Variants in CARF observed in about 807,000 individuals in gnomAD.
The protein encoded by CARF is calcium responsive transcription factor.
Under a neutral mutation model 82.0 loss-of-function variants are expected in CARF, and 57 were observed. The ratio of observed to expected loss-of-function variants is 0.70; its 90% CI spans 0.56 to 0.87. The LOEUF (loss-of-function observed/expected upper bound fraction) is 0.87, where lower values mean the gene tolerates loss of function less well. Ranked by LOEUF, CARF falls within the 40% of genes least tolerant of loss-of-function variation. The pLI, the probability that CARF is intolerant of heterozygous loss-of-function variation, is 0.00. For missense variants in CARF, 771 were observed against 855.8 expected (o/e 0.90, Z 1.24); for synonymous variants, 268 against 290.1 (o/e 0.92, Z 0.77).
chr2:202,952,940 AATT>A (rs1202200937), intron 6 of CARF, among the ~76,000 whole-genome samples: 2 of 152,292 alleles, frequency 1.3e-5, no homozygotes, highest in South Asian at 2.1e-4. Context: ...GCATAAAATA[AATT>A]ATTATTAATG....
Position 202,970,859 on chromosome 2 carries a change from C to CT in CARF, c.1098-631dup, listed in dbSNP as rs759204879. On this transcript the variant is annotated intron_variant, in intron 11 of 16. Coordinates refer to ENST00000438828, the MANE Select transcript of CARF (RefSeq NM_024744.17). ...GTTCATTTTCCTACCGTCTACTTTT[C>CT]TTTTTTTTTTTTTTTCATGGCTCTC... is the stretch of plus-strand genomic sequence containing the variant. 4.2e-3 allele frequency among the ~76,000 whole-genome samples: 565 copies of CT among 135,378 alleles called. 1 individual carries two copies. The highest frequency in any genetic ancestry group is 8.5e-3 in the African/African-American group (313 of 36,944). The allele number at this position is 135,378 out of a possible 152,430, so 88.8% of individuals were successfully genotyped here.
At chr2:202,920,314 G>A (rs754417124) in intron 2 of CARF, among the ~76,000 whole-genome samples, 1 of 151,858 alleles carries the variant, frequency 6.6e-6, no homozygotes, top group Non-Finnish European at 1.5e-5. Context: ...CATCATGCCC[G>A]GCTAATGTTT....
Position 202,954,023 on chromosome 2 carries a change from C to A in CARF, c.446C>A (p.Pro149His). 2 of 1,606,230 alleles carry A rather than the reference C, an allele frequency of 1.2e-6. No homozygotes were observed. The highest frequency in any genetic ancestry group is 8.5e-7 in the Non-Finnish European group (1 of 1,176,928). ...TGTTAAGATGTCCCTGAAGAGAAAC[C>A]CAGTAACAGAAACTTACCAACTGTA... ...NSPRDVPEEK[P>H]SNRNLPTVRV... The change falls in exon 7 of 17, where the codon CCC becomes CAC. Residue 149 changes from proline to histidine, a missense_variant. Physicochemically the swap from Pro to His is moderately conservative, Grantham distance 77 (BLOSUM62 -2). Coordinates refer to ENST00000438828, the MANE Select transcript of CARF (RefSeq NM_024744.17).
chr2:202,938,214 A>T (rs989324831), intron 3 of CARF: 3 of 152,046 alleles, frequency 2.0e-5, no homozygotes, highest in African/African-American at 7.2e-5. Flanking sequence ...TTCATATACG[A>T]GACATTGATT....
chr2:202,966,833 T>C, intron 9 of CARF, 145 bp from the exon 10 acceptor site: 1 of 638,200 alleles, frequency 1.6e-6, no homozygotes, highest in Non-Finnish European at 2.6e-6. Context: ...TGTTTGTATA[T>C]GTAAGTAAGA....
At chr2:202,957,725 C>T (rs751608360) in intron 8 of CARF, among the ~76,000 whole-genome samples, 5 of 152,172 alleles carry the variant, frequency 3.3e-5, no homozygotes, top group East Asian at 1.9e-4. Flanking sequence ...GAAGCCAAAG[C>T]GGGCAGATCA....
At chr2:202,931,065 C>G (rs1276733051) in intron 3 of CARF, among the ~76,000 whole-genome samples, 6 of 151,150 alleles carry the variant, frequency 4.0e-5, no homozygotes, top group Non-Finnish European at 8.8e-5. Flanking sequence ...ACCTCCACCC[C>G]CTGATTCAAG....
At chr2:202,967,987 T>G (rs1453223066) in intron 10 of CARF, among the ~76,000 whole-genome samples, 1 of 152,118 alleles carries the variant, frequency 6.6e-6, no homozygotes, top group African/African-American at 2.4e-5. Context: ...TTTTAAGACT[T>G]AAAATATATT....
Position 202,974,490 on chromosome 2 carries a change from A to C in CARF, c.1488A>C (p.Pro496=). 1 of 1,597,456 alleles carries C rather than the reference A, an allele frequency of 6.3e-7. No homozygotes were observed. The highest frequency in any genetic ancestry group is 8.5e-7 in the Non-Finnish European group (1 of 1,175,320). Residue 496 remains proline, a synonymous_variant, in exon 13 of 17, where the codon CCA becomes CCC. Coordinates refer to ENST00000438828, the MANE Select transcript of CARF (RefSeq NM_024744.17). The part of the protein sequence containing the change: ...GDTVYNSEII[P]ATLQWTTDSG... Reference sequence around the variant, plus strand: ...CGGTATATAACTCAGAGATTATTCCAGCAACGGTATGATTACAACCATAAT... The same window carrying C: ...CGGTATATAACTCAGAGATTATTCCCGCAACGGTATGATTACAACCATAAT...
intron 5 of CARF, among the ~76,000 whole-genome samples, chr2:202,944,852 C>T (rs1237592248): frequency 2.6e-5 from 4 of 151,306 alleles, no homozygotes; most frequent in Admixed American, 6.6e-5. Flanking sequence ...TGTCATTTTA[C>T]CTAGGGTACC....
intron 8 of CARF, among the ~76,000 whole-genome samples, chr2:202,959,827 A>G (rs1331514696): frequency 6.6e-6 from 1 of 152,074 alleles, no homozygotes; most frequent in African/African-American, 2.4e-5. Context: ...AAAAAAAAAA[A>G]AAGAAAAGAA....
At chr2:202,915,824 G>A (rs1689529151) in intron 1 of CARF, among the ~76,000 whole-genome samples, 1 of 150,076 alleles carries the variant, frequency 6.7e-6, no homozygotes, top group Non-Finnish European at 1.5e-5. Flanking sequence ...GGCCAGGCTG[G>A]CCTCCCAACT....
chr2:202,920,380 C>T lies in CARF; in HGVS notation c.-163+2337C>T, dbSNP rs189474464. ...CCATGTTAGCCATGATGGTCTTGAT[C>T]TCCTGACCTTGTGATCCGCCCGCCT... On this transcript the variant is annotated intron_variant, in intron 2 of 16. Coordinates refer to ENST00000438828, the MANE Select transcript of CARF (RefSeq NM_024744.17). Among the ~76,000 whole-genome samples the T allele has an allele frequency of 4.8e-4, 73 of 152,300 alleles. 1 individual carries two copies. The highest frequency in any genetic ancestry group is 2.3e-3 in the Admixed American group (35 of 15,302).
chr2:202,926,518 A>G (rs1266995294), intron 3 of CARF, among the ~76,000 whole-genome samples: 1 of 152,206 alleles, frequency 6.6e-6, no homozygotes, highest in Admixed American at 6.5e-5. Flanking sequence ...TATTAAGTCT[A>G]AAAATCAGTA....
chr2:202,925,891 TG>T (rs1380647672), intron 3 of CARF: 1 of 169,562 alleles, frequency 5.9e-6, no homozygotes, highest in Non-Finnish European at 1.3e-5. Context: ...AAACCACCAG[TG>T]GCTACTCAAG....
intron 5 of CARF, among the ~76,000 whole-genome samples, chr2:202,945,155 T>C (rs1466180023): frequency 6.6e-6 from 1 of 152,200 alleles, no homozygotes; most frequent in African/African-American, 2.4e-5. Context: ...CAGTGGACTG[T>C]ATTTTTTAGA....
rs2060436529 is a variant in CARF at position 202,986,643 on chromosome 2, T to C, written c.*3019T>C. The C allele has an allele frequency of 6.6e-6, 1 of 151,764 alleles. No homozygotes were observed. The highest frequency in any genetic ancestry group is 6.6e-5 in the Admixed American group (1 of 15,200). 9.4% of individuals were successfully genotyped at this position (151,764 alleles called of 1,614,324 possible). On this transcript the variant is annotated 3_prime_UTR_variant, in exon 17 of 17. Transcript: ENST00000438828. ...TTAGTATAATTAAAAGGAAAAGCTTTTATATTTTATGCAAGGTAAATGTTT... is the reference window on the plus strand; with the variant it reads ...TTAGTATAATTAAAAGGAAAAGCTTCTATATTTTATGCAAGGTAAATGTTT...
chr2:202,947,609 C>T (rs745965647), intron 5 of CARF, among the ~76,000 whole-genome samples: 1 of 152,120 alleles, frequency 6.6e-6, no homozygotes, highest in Non-Finnish European at 1.5e-5. Context: ...CAAACTTGCA[C>T]GTTCAGCATA....
chr2:202,949,219 A>T (rs1057311295), intron 5 of CARF, among the ~76,000 whole-genome samples: 1 of 151,998 alleles, frequency 6.6e-6, no homozygotes, highest in East Asian at 1.9e-4. Context: ...CTGTAATGCC[A>T]TCTACTCAGG....
Sources: gnomAD v4.1 joint callset for allele counts (sites outside exome capture counted in the v4.1 genomes callset) on GRCh38, gnomAD v4.1.1 for gene constraint, MANE v1.5 for transcripts, NCBI Gene and HGNC (gene_info 2026-07-23, HGNC 2026-07-21) for gene names.